The following CD2AP variants were observed in gnomAD, a reference collection of about 807,000 sequenced individuals.
CD2AP encodes CD2-associated protein.
Under a neutral mutation model 85.1 loss-of-function variants are expected in CD2AP, and 46 were observed. That is an observed-to-expected ratio of 0.54 (90% CI 0.43 to 0.69). CD2AP has a LOEUF of 0.69. Among genes scored for constraint, CD2AP ranks in the 30% least tolerant of loss-of-function variants. The probability of loss-of-function intolerance (pLI) is 0.00; values close to 1 mark genes in which losing one functional copy is unlikely to be tolerated. For missense variants in CD2AP, 769 were observed against 729.5 expected (o/e 1.05, Z -0.62); for synonymous variants, 255 against 252.9 (o/e 1.01, Z -0.08).
chr6:47,608,496 A>G (rs1303475439), intron 15 of CD2AP, among the ~76,000 whole-genome samples: 2 of 152,146 alleles, frequency 1.3e-5, no homozygotes, highest in Non-Finnish European at 2.9e-5. Flanking sequence ...TTTCACTACA[A>G]CTGAGACATA....
rs532542495 is a variant in CD2AP, at chr6:47,575,789, A to C, written c.730-735A>C. Among the ~76,000 whole-genome samples, 22 of 152,312 alleles carry C rather than the reference A, an allele frequency of 1.4e-4. No homozygotes were observed. The East Asian group carries it at 3.7e-3, about 25-fold the overall frequency. ...GTCTAGTAGACTGTAGCTATAAGGAACATAAGATTACCTGAATCATTTACA... is the reference window on the plus strand; with the variant it reads ...GTCTAGTAGACTGTAGCTATAAGGACCATAAGATTACCTGAATCATTTACA... On this transcript the variant is annotated intron_variant, in intron 6 of 17. Transcript: ENST00000359314.
chr6:47,491,635 ATTGT>A (rs1175577486), intron 1 of CD2AP, among the ~76,000 whole-genome samples: 1 of 152,070 alleles, frequency 6.6e-6, no homozygotes, highest in Non-Finnish European at 1.5e-5. Context: ...ATTTGTGTAA[ATTGT>A]TTATTTTTTT....
At chr6:47,504,018 C>T (rs1334290221) in intron 2 of CD2AP, among the ~76,000 whole-genome samples, 1 of 152,234 alleles carries the variant, frequency 6.6e-6, no homozygotes, top group Non-Finnish European at 1.5e-5. Context: ...ATCTGCCAAA[C>T]TGTCTTCTTC....
chr6:47,567,470 T>G (rs1008073729), intron 5 of CD2AP, among the ~76,000 whole-genome samples: 16 of 152,202 alleles, frequency 1.1e-4, no homozygotes, highest in Non-Finnish European at 1.2e-4. Flanking sequence ...TAGGCATGAT[T>G]TACCCCCCTT....
intron 5 of CD2AP, among the ~76,000 whole-genome samples, chr6:47,566,984 T>C (rs1408585881): frequency 6.6e-6 from 1 of 152,160 alleles, no homozygotes; most frequent in Non-Finnish European, 1.5e-5. Context: ...TTAAGAAGAT[T>C]AATGTCACTC....
At position 47,532,376 on chromosome 6, in the gene CD2AP, TACACACACACACACACAC is replaced by T. The variant is rs10522555; in HGVS notation, c.166-1198_166-1181del. ...AAAAAAAAGTATATATATATATGTA[TACACACACACACACACAC>T]ACACACACACACACACACACACACA... On this transcript the variant is annotated intron_variant, in intron 2 of 17. Transcript: ENST00000359314. Among the ~76,000 whole-genome samples the T allele has an allele frequency of 2.0e-3, 290 of 142,028 alleles. 1 individual carries two copies. The highest frequency in any genetic ancestry group is 3.9e-3 in the African/African-American group (149 of 37,884). The allele number at this position is 142,028 out of a possible 152,430, so 93.2% of individuals were successfully genotyped here. A position where few individuals can be genotyped will look rare whatever the true frequency, so the allele number is the denominator to read the frequency against.
At chr6:47,579,154 C>G (rs1768394200) in intron 8 of CD2AP, among the ~76,000 whole-genome samples, 1 of 152,056 alleles carries the variant, frequency 6.6e-6, no homozygotes, top group East Asian at 1.9e-4. Flanking sequence ...AGTTCCTGCA[C>G]TTTGGGAGAC....
chr6:47,530,743 C>G (rs980037764), intron 2 of CD2AP, among the ~76,000 whole-genome samples: 1 of 152,060 alleles, frequency 6.6e-6, no homozygotes, highest in Non-Finnish European at 1.5e-5. Context: ...AGCAGGTGCT[C>G]AATAAGTGTT....
intron 3 of CD2AP, among the ~76,000 whole-genome samples, chr6:47,541,289 A>T (rs1028743958): frequency 3.0e-4 from 46 of 152,100 alleles, no homozygotes; most frequent in African/African-American, 1.0e-3. Context: ...ACGCCCGGCT[A>T]ATTTTTTTGT....
chr6:47,572,282 G>A (rs1224984407), intron 5 of CD2AP, among the ~76,000 whole-genome samples: 1 of 152,190 alleles, frequency 6.6e-6, no homozygotes, highest in East Asian at 1.9e-4. Context: ...CCACTGCGAT[G>A]GTGTACAAGT....
In CD2AP at chr6:47,608,038, A is replaced by G. The variant is rs752573156; in HGVS notation, c.1632+10A>G. On this transcript the variant is annotated intron_variant, in intron 15 of 17. Coordinates refer to ENST00000359314, the MANE Select transcript of CD2AP (RefSeq NM_012120.3). ...ATGCTACTCTCCAAAGGTGAGGTGC[A>G]TTGTGGTCTAAGGTTTGTTGACTTT... The G allele has an allele frequency of 1.9e-6, 3 of 1,581,416 alleles. No homozygotes were observed. The highest frequency in any genetic ancestry group is 1.1e-5 in the South Asian group (1 of 90,454).
rs1013923409 is a variant in CD2AP at position 47,478,042 on chromosome 6, C to T, written c.-203C>T. 5 of 664,902 alleles carry T rather than the reference C, an allele frequency of 7.5e-6. No homozygotes were observed. Among genetic ancestry groups the T allele is most frequent in the Non-Finnish European group, 1.3e-5 (5 of 387,496 alleles). The allele number at this position is 664,902 out of a possible 1,614,324, so 41.2% of individuals were successfully genotyped here. ...GGGTGAGGAGCTGTCGCCGCCTTTG[C>T]CTCTGCCTCGAGGGCCGCGCTGAAG... is the stretch of plus-strand genomic sequence containing the variant. On this transcript the variant is annotated 5_prime_UTR_variant, in exon 1 of 18. Transcript: ENST00000359314.
At chr6:47,574,377 A>G in intron 6 of CD2AP, 126 bp downstream of exon 6, 1 of 825,882 alleles carries the variant, frequency 1.2e-6, no homozygotes, top group Admixed American at 2.2e-5. Context: ...TTTGGTTATG[A>G]ATGAGGAGGC....
chr6:47,511,073 CAAAAAAAAAAAAAAA>C (rs70999630), intron 2 of CD2AP, among the ~76,000 whole-genome samples: 2 of 51,898 alleles, frequency 3.9e-5, no homozygotes, highest in South Asian at 1.1e-3. Flanking sequence ...CTCTGTGTCT[CAAAAAAAAAAAAAAA>C]AAAAAAAAAA....
intron 2 of CD2AP, among the ~76,000 whole-genome samples, chr6:47,509,516 T>C (rs1766262581): frequency 6.6e-6 from 1 of 152,198 alleles, no homozygotes; most frequent in African/African-American, 2.4e-5. Flanking sequence ...TGTAACTGTT[T>C]TCAGAGGTGA....
At chr6:47,583,174 T>A (rs1319959696) in intron 11 of CD2AP, among the ~76,000 whole-genome samples, 2 of 152,190 alleles carry the variant, frequency 1.3e-5, no homozygotes, top group Non-Finnish European at 2.9e-5. Flanking sequence ...GTATACTTCC[T>A]TTCTTCACAC....
chr6:47,563,880 G>A (rs1213846310), intron 5 of CD2AP, among the ~76,000 whole-genome samples: 1 of 152,010 alleles, frequency 6.6e-6, no homozygotes, highest in East Asian at 1.9e-4. Context: ...ATTTTTCTAA[G>A]GCTCTTTAAT....
At chr6:47,599,236 A>G (rs890093489) in intron 12 of CD2AP, 65 bp from the exon 13 acceptor site, 2 of 1,375,464 alleles carry the variant, frequency 1.5e-6, no homozygotes, top group Non-Finnish European at 2.1e-6. Context: ...ATGTCATTAA[A>G]TCACAATTTA....
At chr6:47,514,469 T>A (rs1340012193) in intron 2 of CD2AP, among the ~76,000 whole-genome samples, 1 of 152,208 alleles carries the variant, frequency 6.6e-6, no homozygotes, top group Non-Finnish European at 1.5e-5. Context: ...TAACTTTGAT[T>A]CAGTATCAAT....
Sources: gnomAD v4.1 joint callset for allele counts (sites outside exome capture counted in the v4.1 genomes callset) on GRCh38, gnomAD v4.1.1 for gene constraint, MANE v1.5 for transcripts, NCBI Gene and HGNC (gene_info 2026-07-23, HGNC 2026-07-21) for gene names.